THSD7B: variants seen among roughly 807,000 people sequenced by gnomAD.
THSD7B encodes the protein thrombospondin type-1 domain-containing protein 7B.
THSD7B carries 138 observed loss-of-function variants against 213.6 expected under a neutral mutation model. The observed-to-expected ratio is 0.65, with a 90% CI of 0.56 to 0.74. THSD7B has a LOEUF of 0.74. THSD7B is among the 30% of genes least tolerant of loss of function. THSD7B has a pLI of 0.00. For missense variants in THSD7B, 1,931 were observed against 1,991.5 expected, an observed-to-expected ratio of 0.97 and a Z score of 0.58; for synonymous variants, 742 against 687.0, an observed-to-expected ratio of 1.08 and a Z score of -1.25.
chr2:136,854,292 A>T (rs1301120672), intron 1 of THSD7B, among the ~76,000 whole-genome samples: 1 of 151,980 alleles, frequency 6.6e-6, no homozygotes, highest in Non-Finnish European at 1.5e-5. Context: ...TTGTTCTATG[A>T]ATTTATACCA....
intron 12 of THSD7B, among the ~76,000 whole-genome samples, chr2:137,343,682 G>A (rs1323930177): frequency 1.3e-5 from 2 of 151,732 alleles, no homozygotes; most frequent in African/African-American, 4.8e-5. Context: ...TCTGCTTAAA[G>A]GAGTGCAATT....
intron 13 of THSD7B, among the ~76,000 whole-genome samples, chr2:137,409,572 A>G (rs1351163528): frequency 1.3e-5 from 2 of 152,228 alleles, no homozygotes; most frequent in African/African-American, 2.4e-5. Flanking sequence ...GAAGACAGTC[A>G]TTTAAAATTG....
chr2:137,629,424 A>C (rs1327338506), intron 20 of THSD7B, among the ~76,000 whole-genome samples: 5 of 152,136 alleles, frequency 3.3e-5, no homozygotes, highest in Admixed American at 6.6e-5. Flanking sequence ...TAGTATTAAA[A>C]GATCACTTAA....
chr2:137,076,507 G>C (rs1048504929), intron 3 of THSD7B, among the ~76,000 whole-genome samples: 1 of 152,212 alleles, frequency 6.6e-6, no homozygotes. Context: ...CTTTGACTAG[G>C]AAAGGGAATT....
At chr2:136,793,627 C>T (rs13022485) in intron 1 of THSD7B, among the ~76,000 whole-genome samples, 21,568 of 151,868 alleles carry the variant, frequency 0.14, 2,233 homozygotes, top group Non-Finnish European at 0.22. Context: ...ATAAATACCT[C>T]TTGATCATGT....
At chr2:136,811,648 T>C (rs1289368745) in intron 1 of THSD7B, among the ~76,000 whole-genome samples, 2 of 152,206 alleles carry the variant, frequency 1.3e-5, no homozygotes, top group Non-Finnish European at 2.9e-5. Flanking sequence ...GGGAAAAACA[T>C]TTCAGTAGTT....
chr2:137,533,515 TTTG>T (rs1388805484), intron 15 of THSD7B, among the ~76,000 whole-genome samples: 1 of 151,972 alleles, frequency 6.6e-6, no homozygotes, highest in African/African-American at 2.4e-5. Context: ...AGTTGGAGTA[TTTG>T]TTGTTATTAT....
In THSD7B at chr2:137,369,161, A is replaced by ATT. The variant is rs543771765; in HGVS notation, c.2501-36451_2501-36450insTT. ...GGGGCGGGGGGGACCATATATATAT[A>ATT]TATATATTTTTGACAACTTTAGACA... is the stretch of plus-strand genomic sequence containing the variant. On this transcript the variant is annotated intron_variant, in intron 12 of 27. Coordinates refer to ENST00000409968, the MANE Select transcript of THSD7B (RefSeq NM_001316349.2). Among the ~76,000 whole-genome samples the ATT allele has an allele frequency of 3.9e-3, 580 of 150,416 alleles. 6 individuals carry two copies. Among genetic ancestry groups the ATT allele is most frequent in the African/African-American group, 0.014 (558 of 40,454 alleles).
chr2:136,780,348 C>A (rs182147082), intron 1 of THSD7B, among the ~76,000 whole-genome samples: 1 of 152,118 alleles, frequency 6.6e-6, no homozygotes, highest in African/African-American at 2.4e-5. Context: ...AGTGCATGTG[C>A]CCTCATAGCC....
chr2:137,491,291 G>A (rs965523046), intron 15 of THSD7B, among the ~76,000 whole-genome samples: 1 of 152,110 alleles, frequency 6.6e-6, no homozygotes, highest in African/African-American at 2.4e-5. Context: ...AATGTGAAGA[G>A]GGATAAAAAG....
At chr2:137,314,114 T>C (rs1165933123) in intron 12 of THSD7B, among the ~76,000 whole-genome samples, 1 of 152,210 alleles carries the variant, frequency 6.6e-6, no homozygotes, top group African/African-American at 2.4e-5. Context: ...TCCAACTTGG[T>C]TCCATTCTCC....
chr2:137,435,092 C>G (rs1373522278), intron 14 of THSD7B, among the ~76,000 whole-genome samples: 1 of 152,122 alleles, frequency 6.6e-6, no homozygotes, highest in East Asian at 1.9e-4. Context: ...CAGCCCCTTC[C>G]CCTCATATCT....
In THSD7B at chr2:137,543,595, C is replaced by A. The variant is rs76546430; in HGVS notation, c.3139-19626C>A. Reference sequence around the variant, plus strand: ...CAATTGACAATGAAAGCTCATGTAACCAAAGAGAAAAGAGATAAATTGGAC... The same window carrying A: ...CAATTGACAATGAAAGCTCATGTAAACAAAGAGAAAAGAGATAAATTGGAC... On this transcript the variant is annotated intron_variant, in intron 15 of 27. Transcript: ENST00000409968. Among the ~76,000 whole-genome samples the A allele has an allele frequency of 6.7e-3, 1,020 of 151,772 alleles. 13 individuals carry two copies. Among genetic ancestry groups the A allele is most frequent in the African/African-American group, 0.024 (978 of 41,470 alleles).
chr2:137,160,547 C>G (rs890217683), intron 6 of THSD7B, among the ~76,000 whole-genome samples, 179 bp downstream of exon 6: 3 of 152,206 alleles, frequency 2.0e-5, no homozygotes, highest in Non-Finnish European at 2.9e-5. Context: ...GTGGAGTGCA[C>G]AATCTCACCT....
chr2:137,531,456 C>T (rs994167765), intron 15 of THSD7B, among the ~76,000 whole-genome samples: 5 of 151,904 alleles, frequency 3.3e-5, no homozygotes, highest in Admixed American at 6.6e-5. Context: ...AGTTCTCAAG[C>T]ACCTGAAACC....
rs1231391874 is a variant in THSD7B at position 137,170,793 on chromosome 2, G to T, written c.1578G>T (p.Gly526=). ...HVLMESTGPA[G]HCPHLVESVP... ...TCATGGAATCTACAGGGCCTGCAGG[G>T]CATTGCCCTCATTTGGTGGAGTCTG... Residue 526 remains glycine, a synonymous_variant, in exon 7 of 28, where the codon GGG becomes GGT. Transcript: ENST00000409968. The T allele has an allele frequency of 3.7e-6, 6 of 1,613,686 alleles. No individual in the cohort carries two copies. Among genetic ancestry groups the T allele is most frequent in the South Asian group, 1.1e-5 (1 of 91,080 alleles).
At chr2:137,385,362 C>T (rs988419623) in intron 12 of THSD7B, among the ~76,000 whole-genome samples, 1 of 152,174 alleles carries the variant, frequency 6.6e-6, no homozygotes, top group African/African-American at 2.4e-5. Context: ...GGGCACCTGC[C>T]CTGGCCTCCA....
intron 15 of THSD7B, among the ~76,000 whole-genome samples, chr2:137,547,672 G>T (rs549590694): frequency 6.6e-6 from 1 of 152,024 alleles, no homozygotes; most frequent in East Asian, 1.9e-4. Flanking sequence ...ACTGCAAGTT[G>T]TATGTTTTTC....
intron 1 of THSD7B, among the ~76,000 whole-genome samples, chr2:136,834,397 A>G (rs1422122224): frequency 6.6e-6 from 1 of 152,188 alleles, no homozygotes; most frequent in Non-Finnish European, 1.5e-5. Context: ...TTAGTGGTAG[A>G]GTCTTCTCAG....
Sources: gnomAD v4.1 joint callset for allele counts (sites outside exome capture counted in the v4.1 genomes callset) on GRCh38, gnomAD v4.1.1 for gene constraint, MANE v1.5 for transcripts, NCBI Gene and HGNC (gene_info 2026-07-23, HGNC 2026-07-21) for gene names.